Variants in FYN observed in about 807,000 individuals in gnomAD.
The protein encoded by FYN is tyrosine-protein kinase Fyn.
Under a neutral mutation model 70.2 loss-of-function variants are expected in FYN, and 10 were observed. The observed-to-expected ratio is 0.14, with a 90% CI of 0.09 to 0.24. The LOEUF is 0.24. Among genes scored for constraint, FYN ranks in the 10% least tolerant of loss-of-function variants. The pLI is 1.00. For missense variants in FYN, 319 were observed against 673.1 expected, an observed-to-expected ratio of 0.47 and a Z score of 5.82; for synonymous variants, 236 against 248.6, an observed-to-expected ratio of 0.95 and a Z score of 0.48.
chr6:111,862,113 T>C (rs536954695), intron 1 of FYN, among the ~76,000 whole-genome samples: 25 of 152,208 alleles, frequency 1.6e-4, no homozygotes, highest in Non-Finnish European at 3.1e-4. Context: ...CATTTGGCTA[T>C]TGTTCTCTCG....
At chr6:111,734,903 A>G (rs965546099) in intron 3 of FYN, among the ~76,000 whole-genome samples, 3 of 152,230 alleles carry the variant, frequency 2.0e-5, no homozygotes, top group African/African-American at 7.2e-5. Context: ...TATAAAGTCA[A>G]GTACACATGG....
At chr6:111,704,702 T>C (rs1157624913) in intron 6 of FYN, among the ~76,000 whole-genome samples, 1 of 148,240 alleles carries the variant, frequency 6.7e-6, no homozygotes, top group East Asian at 2.0e-4. Flanking sequence ...TGCAGTGAGC[T>C]GAGATTGTGC....
chr6:111,817,473 T>C (rs1296655712), intron 2 of FYN, among the ~76,000 whole-genome samples: 1 of 152,220 alleles, frequency 6.6e-6, no homozygotes, highest in East Asian at 1.9e-4. Flanking sequence ...GTATCCGTTT[T>C]AAAGCAGGTG....
intron 13 of FYN, among the ~76,000 whole-genome samples, chr6:111,671,438 T>C (rs1218579356): frequency 6.6e-6 from 1 of 152,182 alleles, no homozygotes; most frequent in Admixed American, 6.5e-5. Flanking sequence ...CGCACCTCCA[T>C]CTTCACCTAC....
chr6:111,811,379 A>C (rs1772319538), intron 2 of FYN, among the ~76,000 whole-genome samples: 2 of 152,214 alleles, frequency 1.3e-5, no homozygotes, highest in East Asian at 1.9e-4. Context: ...GTACAGTATA[A>C]GGATTGGAGC....
chr6:111,840,562 A>C (rs1024630502), intron 2 of FYN, among the ~76,000 whole-genome samples: 7 of 152,216 alleles, frequency 4.6e-5, no homozygotes, highest in Non-Finnish European at 8.8e-5. Flanking sequence ...TTTAGCCATC[A>C]AGTTTGTGGT....
Position 111,730,185 on chromosome 6 carries a change from A to C in FYN, c.-11-10123T>G, listed in dbSNP as rs189248424. On this transcript the variant is annotated intron_variant, in intron 3 of 13. Coordinates refer to ENST00000354650, the MANE Select transcript of FYN (RefSeq NM_002037.5). ...TGCTGGAAAGTAAGCAGTGAGGCGC[A>C]GTGCTGGGAGTGGGCGGTGAGTGCA... is the stretch of plus-strand genomic sequence containing the variant. Among the ~76,000 whole-genome samples the C allele has an allele frequency of 3.9e-4, 60 of 152,344 alleles. No homozygotes were observed. In the East Asian group the frequency reaches 0.011, roughly 27 times the overall value.
At chr6:111,760,129 T>C (rs374777474) in intron 3 of FYN, among the ~76,000 whole-genome samples, 2 of 152,008 alleles carry the variant, frequency 1.3e-5, no homozygotes, top group East Asian at 1.9e-4. Context: ...CTGTGAAAAG[T>C]TTGATTCCAA....
chr6:111,858,393 C>T (rs1773878224), intron 1 of FYN: 1 of 152,246 alleles, frequency 6.6e-6, no homozygotes, highest in Admixed American at 6.5e-5. Context: ...TCCTCTGAAT[C>T]TCTGCAAGCT....
At chr6:111,686,282 G>A (rs774980302) in intron 12 of FYN, among the ~76,000 whole-genome samples, 1 of 152,116 alleles carries the variant, frequency 6.6e-6, no homozygotes, top group South Asian at 2.1e-4. Context: ...ACAAATGAAG[G>A]AGCTTTTCTG....
chr6:111,871,684 T>C (rs949170475), intron 1 of FYN, among the ~76,000 whole-genome samples: 3 of 152,222 alleles, frequency 2.0e-5, no homozygotes, highest in Non-Finnish European at 2.9e-5. Context: ...AACAAAATTC[T>C]TGTGACCCCC....
intron 3 of FYN, among the ~76,000 whole-genome samples, chr6:111,732,817 C>T (rs1801528535): frequency 6.6e-6 from 1 of 152,124 alleles, no homozygotes. Context: ...CAATGGCAAC[C>T]CAACAGGGAA....
In FYN at chr6:111,825,128, T is replaced by C. The variant is rs572815670; in HGVS notation, c.-82+21461A>G. On this transcript the variant is annotated intron_variant, in intron 2 of 13. Transcript: ENST00000354650. ...GTCCACAGGCCTTGCTGGGATCTTT[T>C]TGGACTGCGGGCAGGGAGGCCTGGA... Among the ~76,000 whole-genome samples, 246 of 152,242 alleles carry C rather than the reference T, an allele frequency of 1.6e-3. 1 individual carries two copies. Among genetic ancestry groups the C allele is most frequent in the Non-Finnish European group, 7.5e-4 (51 of 68,002 alleles).
At position 111,707,961 on chromosome 6, in the gene FYN, C is replaced by A. The variant is rs1249602922; in HGVS notation, c.404G>T (p.Ser135Ile). ...AGAGTCAACTGGAGCCACATAATTGCTGGGAATGTAACCTGTCTCTCCAGT... is the reference window on the plus strand; with the variant it reads ...AGAGTCAACTGGAGCCACATAATTGATGGGAATGTAACCTGTCTCTCCAGT... ...LTTGETGYIP[S>I]NYVAPVDSIQ... Residue 135 changes from serine to isoleucine, a missense_variant, in exon 6 of 14, where the codon AGC becomes ATC. Ser to Ile is a moderately radical substitution (Grantham distance 142). Transcript: ENST00000354650. 1 of 1,614,042 alleles carries A rather than the reference C, an allele frequency of 6.2e-7. No individual in the cohort carries two copies. The highest frequency in any genetic ancestry group is 1.7e-5 in the Admixed American group (1 of 60,020).
intron 5 of FYN, chr6:111,709,127 C>T (rs182115275): frequency 6.6e-6 from 1 of 152,154 alleles, no homozygotes; most frequent in Non-Finnish European, 1.5e-5. Flanking sequence ...TCTCCTGGGG[C>T]TCAGGACCTT....
chr6:111,770,154 T>C (rs1305234969), intron 3 of FYN, among the ~76,000 whole-genome samples: 2 of 152,160 alleles, frequency 1.3e-5, no homozygotes, highest in Non-Finnish European at 2.9e-5. Context: ...TTGTACAAAT[T>C]GAGATACGCT....
chr6:111,730,433 T>A (rs1172857870), intron 3 of FYN, among the ~76,000 whole-genome samples: 7 of 152,152 alleles, frequency 4.6e-5, no homozygotes, highest in African/African-American at 1.7e-4. Context: ...CCTTGGCACC[T>A]AACCAAGGCA....
chr6:111,865,031 T>C (rs1774066547), intron 1 of FYN, among the ~76,000 whole-genome samples: 1 of 152,208 alleles, frequency 6.6e-6, no homozygotes. Context: ...AGCTGTGGTA[T>C]GCTCTCTACT....
intron 2 of FYN, among the ~76,000 whole-genome samples, chr6:111,797,565 G>T (rs2128517850): frequency 6.7e-6 from 1 of 149,016 alleles, no homozygotes; most frequent in East Asian, 2.0e-4. Context: ...AAATTAGTCT[G>T]CTCACACAAT....
Sources: gnomAD v4.1 joint callset for allele counts (sites outside exome capture counted in the v4.1 genomes callset) on GRCh38, gnomAD v4.1.1 for gene constraint, MANE v1.5 for transcripts, NCBI Gene and HGNC (gene_info 2026-07-23, HGNC 2026-07-21) for gene names.